Variants in DDX10 observed in about 807,000 individuals in gnomAD.
DDX10 encodes the protein probable ATP-dependent RNA helicase DDX10.
Under a neutral mutation model 104.3 loss-of-function variants are expected in DDX10, and 74 were observed. That is an observed-to-expected ratio of 0.71 (90% CI 0.59 to 0.86). The LOEUF (loss-of-function observed/expected upper bound fraction) is 0.86, where lower values mean the gene tolerates loss of function less well. Ranked by LOEUF, DDX10 falls within the 40% of genes least tolerant of loss-of-function variation. DDX10 has a pLI of 0.00. For synonymous variants in DDX10, 351 were observed against 353.4 expected (o/e 0.99, Z 0.08); for missense variants, 952 against 1,040.0 (o/e 0.92, Z 1.16).
At chr11:108,847,074 A>G (rs1229107598) in intron 15 of DDX10, among the ~76,000 whole-genome samples, 1 of 152,244 alleles carries the variant, frequency 6.6e-6, no homozygotes, top group Non-Finnish European at 1.5e-5. Context: ...AGCTGTGCTT[A>G]AATAGGTCTG....
At chr11:108,768,281 T>C (rs2094358754) in intron 13 of DDX10, among the ~76,000 whole-genome samples, 1 of 152,132 alleles carries the variant, frequency 6.6e-6, no homozygotes, top group Non-Finnish European at 1.5e-5. Flanking sequence ...GTCAGCTGTG[T>C]ATCTGTGGTT....
intron 13 of DDX10, among the ~76,000 whole-genome samples, chr11:108,736,738 A>C (rs2094318902): frequency 6.6e-6 from 1 of 152,168 alleles, no homozygotes; most frequent in African/African-American, 2.4e-5. Context: ...TGCAGCAAGA[A>C]GGCTCATACC....
chr11:108,681,681 T>C (rs1429626330), intron 6 of DDX10, among the ~76,000 whole-genome samples: 1 of 152,246 alleles, frequency 6.6e-6, no homozygotes, highest in Non-Finnish European at 1.5e-5. Flanking sequence ...GTTTTCATTA[T>C]GTGGTTATAT....
intron 13 of DDX10, among the ~76,000 whole-genome samples, chr11:108,793,586 A>G (rs945000227): frequency 2.6e-5 from 4 of 152,228 alleles, no homozygotes; most frequent in African/African-American, 7.2e-5. Context: ...TAAAAAACAT[A>G]TATTTCCAAC....
At chr11:108,693,740 G>T in intron 9 of DDX10, 140 bp downstream of exon 9, 1 of 687,070 alleles carries the variant, frequency 1.5e-6, no homozygotes, top group Middle Eastern at 2.9e-4. Context: ...GACAGCTACT[G>T]TAAATCATTA....
chr11:108,903,407 G>A (rs1330369457), intron 16 of DDX10, among the ~76,000 whole-genome samples: 1 of 151,998 alleles, frequency 6.6e-6, no homozygotes, highest in Non-Finnish European at 1.5e-5. Flanking sequence ...TCTTTTCATT[G>A]ATGGTACATT....
At chr11:108,906,065 A>G (rs776018552) in intron 16 of DDX10, among the ~76,000 whole-genome samples, 3 of 152,210 alleles carry the variant, frequency 2.0e-5, no homozygotes, top group Admixed American at 2.0e-4. Context: ...GATCCAAATC[A>G]TATCATCCAT....
chr11:108,899,068 T>A (rs1362443288), intron 16 of DDX10, among the ~76,000 whole-genome samples: 2 of 152,198 alleles, frequency 1.3e-5, no homozygotes, highest in African/African-American at 4.8e-5. Context: ...AGTTCAGAAT[T>A]TCAGCTGCAA....
intron 16 of DDX10, among the ~76,000 whole-genome samples, chr11:108,915,140 ACATTATCAGATC>A (rs1382231232): frequency 6.6e-6 from 1 of 152,202 alleles, no homozygotes; most frequent in Non-Finnish European, 1.5e-5. Context: ...TTAGTGAAAA[ACATTATCAGATC>A]CAAGAAGCTT....
At chr11:108,854,728 A>T (rs1309236495) in intron 16 of DDX10, among the ~76,000 whole-genome samples, 2 of 149,938 alleles carry the variant, frequency 1.3e-5, no homozygotes, top group African/African-American at 4.9e-5. Context: ...AGGACACAGT[A>T]TTTTTTTTTT....
intron 13 of DDX10, chr11:108,767,960 G>A (rs1331887119): frequency 6.6e-6 from 1 of 152,206 alleles, no homozygotes; most frequent in East Asian, 1.9e-4. Flanking sequence ...AAGACAACCA[G>A]GATGAAGACC....
chr11:108,776,893 G>A (rs1381762587), intron 13 of DDX10, among the ~76,000 whole-genome samples: 1 of 152,192 alleles, frequency 6.6e-6, no homozygotes, highest in African/African-American at 2.4e-5. Flanking sequence ...CAACCTGAAT[G>A]AGCTTGGAAG....
chr11:108,915,421 T>TA (rs1863733889), intron 16 of DDX10, among the ~76,000 whole-genome samples: 1 of 148,598 alleles, frequency 6.7e-6, no homozygotes, highest in Non-Finnish European at 1.5e-5. Flanking sequence ...TTCCCAATAC[T>TA]AAAAAGGCTT....
intron 3 of DDX10, among the ~76,000 whole-genome samples, chr11:108,676,266 T>G (rs1463578211): frequency 1.3e-5 from 2 of 152,206 alleles, no homozygotes; most frequent in Non-Finnish European, 2.9e-5. Context: ...CTCCTAATTT[T>G]TCATTCCTAT....
rs181231498 is a variant in DDX10, at chr11:108,865,771, C to T, written c.2304+13562C>T. Among the ~76,000 whole-genome samples, 3 of 152,044 alleles carry T rather than the reference C, an allele frequency of 2.0e-5. No homozygotes were observed. The East Asian group carries it at 5.8e-4, about 29-fold the overall frequency. ...TACTCTACGCATATTTCTTGAGTGC[C>T]CTACTATGTGTTACCCCTCATAATG... On this transcript the variant is annotated intron_variant, in intron 16 of 17. Coordinates refer to ENST00000322536, the MANE Select transcript of DDX10 (RefSeq NM_004398.4).
chr11:108,821,219 A>G (rs1862321710), intron 13 of DDX10, among the ~76,000 whole-genome samples: 1 of 152,260 alleles, frequency 6.6e-6, no homozygotes, highest in African/African-American at 2.4e-5. Context: ...AAGTATCTCA[A>G]GATATTCAGC....
At chr11:108,679,234 C>A (rs1187496077) in intron 5 of DDX10, 137 bp from the exon 6 acceptor site, 7 of 710,244 alleles carry the variant, frequency 9.9e-6, no homozygotes, top group Non-Finnish European at 1.6e-5. Flanking sequence ...CATATAAATT[C>A]CAGACTTTAT....
At chr11:108,798,202 T>C (rs999514042) in intron 13 of DDX10, among the ~76,000 whole-genome samples, 4 of 152,224 alleles carry the variant, frequency 2.6e-5, no homozygotes. Context: ...AACATTCTTT[T>C]GGTTTTATCT....
chr11:108,710,733 T>G (rs1241527017), intron 10 of DDX10, among the ~76,000 whole-genome samples: 1 of 152,214 alleles, frequency 6.6e-6, no homozygotes, highest in Non-Finnish European at 1.5e-5. Flanking sequence ...TACCTAACTG[T>G]AAGTGCCTGT....
Sources: allele counts gnomAD v4.1 joint callset (sites outside exome capture counted in the v4.1 genomes callset), GRCh38; gene constraint gnomAD v4.1.1; transcripts MANE v1.5; gene names NCBI Gene and HGNC (gene_info 2026-07-23, HGNC 2026-07-21).